ADAMTS9: variants seen among roughly 807,000 people sequenced by gnomAD.
ADAMTS9 encodes ADAM metallopeptidase with thrombospondin type 1 motif 9.
ADAMTS9 carries 107 observed loss-of-function variants against 257.1 expected under a neutral mutation model. The observed-to-expected ratio is 0.42, with a 90% confidence interval of 0.36 to 0.49. The LOEUF is 0.49. Among genes scored for constraint, ADAMTS9 ranks in the 20% least tolerant of loss-of-function variants. ADAMTS9 has a pLI of 0.03. For synonymous variants in ADAMTS9, 982 were observed against 880.9 expected, an observed-to-expected ratio of 1.11 and a Z score of -2.03; for missense variants, 2,353 against 2,469.1, an observed-to-expected ratio of 0.95 and a Z score of 1.00.
intron 22 of ADAMTS9, among the ~76,000 whole-genome samples, chr3:64,611,075 C>CAAAAAA (rs34998404): frequency 2.8e-5 from 2 of 72,160 alleles, no homozygotes; most frequent in African/African-American, 5.1e-5. Context: ...GACTCTGTCT[C>CAAAAAA]AAAAAAAAAA....
At chr3:64,627,426 C>T (rs1432528104) in intron 16 of ADAMTS9, among the ~76,000 whole-genome samples, 1 of 152,062 alleles carries the variant, frequency 6.6e-6, no homozygotes, top group African/African-American at 2.4e-5. Context: ...GCATCGATTC[C>T]CATCTTCCCA....
Position 64,616,027 on chromosome 3 carries a change from G to A in ADAMTS9, c.2957C>T (p.Pro986Leu). 6.2e-7 allele frequency: 1 copy of A among 1,614,010 alleles called. No homozygotes were observed. The highest frequency in any genetic ancestry group is 8.5e-7 in the Non-Finnish European group (1 of 1,179,982). The stretch of plus-strand genomic sequence containing the variant: ...CCCTGAGCATTTTTCACGGTTGCTT[G>A]GTTTGGGATGGCTGCTGCAAAAACC... Reference protein sequence around the residue: ...DDGFCSSHPKPSNREKCSGEC... With the variant: ...DDGFCSSHPKLSNREKCSGEC... The change falls in exon 20 of 40, where the codon CCA becomes CTA. Residue 986 changes from proline to leucine, a missense_variant. Pro to Leu is a moderately conservative substitution (Grantham distance 98). Around this residue, in one of 3 missense-constraint regions of ADAMTS9, gnomAD observed 1,402 missense variants for 1,441.4 expected, o/e 0.97. Transcript: ENST00000498707.
chr3:64,679,642 A>G (rs1483204589), intron 3 of ADAMTS9, among the ~76,000 whole-genome samples: 2 of 152,248 alleles, frequency 1.3e-5, no homozygotes, highest in Non-Finnish European at 2.9e-5. Context: ...AAAATATTTC[A>G]GTGTCTTCTG....
intron 27 of ADAMTS9, among the ~76,000 whole-genome samples, chr3:64,596,541 C>T (rs1485802533): frequency 6.6e-6 from 1 of 152,148 alleles, no homozygotes; most frequent in Non-Finnish European, 1.5e-5. Flanking sequence ...TTTTCAATCA[C>T]TTTAAAAGCA....
At chr3:64,641,710 G>C in intron 12 of ADAMTS9, 138 bp downstream of exon 12, 1 of 1,071,810 alleles carries the variant, frequency 9.3e-7, no homozygotes. Flanking sequence ...GGGTACCGTG[G>C]GTCTAAGCAG....
intron 3 of ADAMTS9, among the ~76,000 whole-genome samples, chr3:64,678,324 A>G (rs1333027812): frequency 1.3e-5 from 2 of 152,242 alleles, no homozygotes; most frequent in Non-Finnish European, 2.9e-5. Context: ...GGAGACATGG[A>G]AAGCACTGAT....
rs139350405 is a variant in ADAMTS9 at position 64,623,412 on chromosome 3, A to C, written c.2390-826T>G. On this transcript the variant is annotated intron_variant, in intron 16 of 39. Coordinates refer to ENST00000498707, the MANE Select transcript of ADAMTS9 (RefSeq NM_182920.2). ...TCCTTCTGCCAACACCCTCTGAGTG[A>C]GTAATCTGGGAAGTGGATTCTCCAG... is the stretch of plus-strand genomic sequence containing the variant. Among the ~76,000 whole-genome samples, 7 of 152,296 alleles carry C rather than the reference A, an allele frequency of 4.6e-5. No individual in the cohort carries two copies. The East Asian group carries it at 1.2e-3, about 25-fold the overall frequency.
intron 8 of ADAMTS9, among the ~76,000 whole-genome samples, chr3:64,653,950 C>T (rs1445134653): frequency 6.6e-6 from 1 of 150,936 alleles, no homozygotes; most frequent in Non-Finnish European, 1.5e-5. Flanking sequence ...TTGTAAAAAT[C>T]TTGGGGGCCA....
chr3:64,570,783 A>T (rs1395360684), intron 28 of ADAMTS9, among the ~76,000 whole-genome samples: 1 of 151,104 alleles, frequency 6.6e-6, no homozygotes, highest in Admixed American at 6.6e-5. Context: ...AAAGGGCAGT[A>T]TCAGGGATAA....
rs553923092 is a variant in ADAMTS9, at chr3:64,604,596, T to A, written c.3475-265A>T. Among the ~76,000 whole-genome samples the A allele has an allele frequency of 2.2e-4, 33 of 152,300 alleles. No homozygotes were observed. In the South Asian group the frequency reaches 6.6e-3, roughly 31 times the overall value. The stretch of plus-strand genomic sequence containing the variant: ...AAAGCCATATTTATTCATCCGTTTG[T>A]GTAAAAAGAGAAAAAATATTGTAAA... On this transcript the variant is annotated intron_variant, in intron 23 of 39. Transcript: ENST00000498707.
intron 30 of ADAMTS9, chr3:64,561,303 G>A (rs1407017832): frequency 1.7e-5 from 5 of 287,352 alleles, no homozygotes; most frequent in Non-Finnish European, 1.9e-5. Flanking sequence ...GAATGCATTC[G>A]GCCCACAGCC....
chr3:64,551,833 TA>T (rs1559759660), intron 30 of ADAMTS9, among the ~76,000 whole-genome samples: 1 of 152,204 alleles, frequency 6.6e-6, no homozygotes, highest in South Asian at 2.1e-4. Flanking sequence ...CAGGAAAGCA[TA>T]AAGGAAAGTT....
chr3:64,574,066 C>T (rs2083767142), intron 28 of ADAMTS9, among the ~76,000 whole-genome samples: 1 of 152,110 alleles, frequency 6.6e-6, no homozygotes, highest in Admixed American at 6.5e-5. Flanking sequence ...CAGAGGTGTA[C>T]TATAAACCAA....
At chr3:64,547,120 GACAGGCAACCCT>G (rs2083210701) in intron 31 of ADAMTS9, among the ~76,000 whole-genome samples, 168 bp from the exon 32 acceptor site, 1 of 152,204 alleles carries the variant, frequency 6.6e-6, no homozygotes, top group South Asian at 2.1e-4. Context: ...GCGCACAGGA[GACAGGCAACCCT>G]ACAGGGTGCC....
At chr3:64,629,283 A>G in intron 16 of ADAMTS9, among the ~76,000 whole-genome samples, 1 of 152,160 alleles carries the variant, frequency 6.6e-6, no homozygotes, top group East Asian at 1.9e-4. Context: ...GTGCTCCTTT[A>G]AAAACATAAA....
At chr3:64,677,505 G>A (rs1701649438) in intron 3 of ADAMTS9, among the ~76,000 whole-genome samples, 1 of 152,110 alleles carries the variant, frequency 6.6e-6, no homozygotes, top group Non-Finnish European at 1.5e-5. Context: ...GGTGACCTTG[G>A]GCAAGTCCCC....
intron 28 of ADAMTS9, among the ~76,000 whole-genome samples, chr3:64,581,465 G>T (rs923204053): frequency 6.6e-6 from 1 of 152,034 alleles, no homozygotes; most frequent in Non-Finnish European, 1.5e-5. Flanking sequence ...ATTTCACCAC[G>T]TTGCCAAGGC....
In ADAMTS9 at chr3:64,574,991, C is replaced by T. The variant is rs554776720; in HGVS notation, c.4357-6456G>A. On this transcript the variant is annotated intron_variant, in intron 28 of 39. Coordinates refer to ENST00000498707, the MANE Select transcript of ADAMTS9 (RefSeq NM_182920.2). The stretch of plus-strand genomic sequence containing the variant: ...CACCTTTAGTGCCTGTGAAGAAAGA[C>T]ACTATAAAAAGCAAACATACAATCC... Among the ~76,000 whole-genome samples, 3 of 152,270 alleles carry T rather than the reference C, an allele frequency of 2.0e-5. No individual in the cohort carries two copies. In the East Asian group the frequency reaches 5.8e-4, roughly 29 times the overall value.
In ADAMTS9 at chr3:64,533,178, G is replaced by A. The variant is rs774746982; in HGVS notation, c.5706C>T (p.Ile1902=). 7.4e-6 allele frequency: 12 copies of A among 1,611,820 alleles called. No individual in the cohort carries two copies. The highest frequency in any genetic ancestry group is 1.0e-5 in the Non-Finnish European group (12 of 1,178,624). The part of the protein sequence containing the change: ...ISQGNYAVSD[I]KKSPDGTRVV... ...TGTAGAACCTTACCGGCGACTTCTTGATGTCAGAGACAGCATAATTCCCTT... is the reference window on the plus strand; with the variant it reads ...TGTAGAACCTTACCGGCGACTTCTTAATGTCAGAGACAGCATAATTCCCTT... The change falls in exon 38 of 40, where the codon ATC becomes ATT. Residue 1902 remains isoleucine, a synonymous_variant. Coordinates refer to ENST00000498707, the MANE Select transcript of ADAMTS9 (RefSeq NM_182920.2).
Sources: allele counts gnomAD v4.1 joint callset (sites outside exome capture counted in the v4.1 genomes callset), GRCh38; gene constraint gnomAD v4.1.1; regional missense constraint gnomAD v4.1.1; transcripts MANE v1.5; gene names NCBI Gene and HGNC (gene_info 2026-07-23, HGNC 2026-07-21).